MYO3B: variants seen among roughly 807,000 people sequenced by gnomAD.
The protein encoded by MYO3B is myosin-IIIb.
A neutral mutation model predicts 174.6 loss-of-function variants in MYO3B; 156 were observed. That is an observed-to-expected ratio of 0.89 (90% confidence interval 0.78 to 1.02). The LOEUF is 1.02. Ranked by LOEUF, MYO3B falls within the 50% of genes least tolerant of loss-of-function variation. The pLI is 0.00. For synonymous variants in MYO3B, 563 were observed against 569.1 expected, an observed-to-expected ratio of 0.99 and a Z score of 0.15; for missense variants, 1,632 against 1,639.4, an observed-to-expected ratio of 1.00 and a Z score of 0.08.
intron 32 of MYO3B, among the ~76,000 whole-genome samples, chr2:170,634,499 C>T (rs1439635565): frequency 1.3e-5 from 2 of 151,954 alleles, no homozygotes; most frequent in African/African-American, 4.8e-5. Context: ...CATGTTAGAC[C>T]TAAAACCATA....
At chr2:170,230,170 T>TG (rs925690931) in intron 6 of MYO3B, among the ~76,000 whole-genome samples, 8 of 150,816 alleles carry the variant, frequency 5.3e-5, no homozygotes, top group Middle Eastern at 6.9e-3. Context: ...TAGTTTTTTT[T>TG]TTTGTTTTTT....
At chr2:170,373,514 C>T (rs2094263685) in intron 9 of MYO3B, among the ~76,000 whole-genome samples, 1 of 152,136 alleles carries the variant, frequency 6.6e-6, no homozygotes, top group Admixed American at 6.5e-5. Context: ...GTTCAGTCCA[C>T]TTTAGTACTT....
At chr2:170,273,904 G>A (rs192424813) in intron 7 of MYO3B, among the ~76,000 whole-genome samples, 6 of 152,042 alleles carry the variant, frequency 3.9e-5, no homozygotes, top group African/African-American at 7.2e-5. Context: ...AAATGGCAGT[G>A]GGGGGGCACC....
intron 2 of MYO3B, 99 bp downstream of exon 2, chr2:170,199,490 T>G (rs2092638176): frequency 1.0e-6 from 1 of 953,640 alleles, no homozygotes. Context: ...TCATGAAACC[T>G]GGTATGAAAT....
intron 32 of MYO3B, among the ~76,000 whole-genome samples, chr2:170,566,968 A>G (rs1348059924): frequency 1.3e-5 from 2 of 152,166 alleles, no homozygotes; most frequent in African/African-American, 4.8e-5. Context: ...AGACTTTAAC[A>G]TGGCTGTTTT....
chr2:170,311,166 TGTTTTA>T (rs2093736745), intron 7 of MYO3B, among the ~76,000 whole-genome samples: 9 of 152,286 alleles, frequency 5.9e-5, no homozygotes, highest in Admixed American at 5.9e-4. Context: ...GGCGATTCTG[TGTTTTA>T]GCCTTTTGAA....
intron 17 of MYO3B, among the ~76,000 whole-genome samples, chr2:170,401,148 CTGTAGGACATTTTAGGGCCTTTAATA>C (rs1382662147): frequency 2.0e-5 from 3 of 152,200 alleles, no homozygotes; most frequent in Non-Finnish European, 4.4e-5. Flanking sequence ...TGTGTTAAAA[CTGTAGGACATTTTAGGGCCTTTAATA>C]TATGAATGTA....
chr2:170,560,928 T>C (rs934846529), intron 32 of MYO3B, among the ~76,000 whole-genome samples: 1 of 152,150 alleles, frequency 6.6e-6, no homozygotes, highest in African/African-American at 2.4e-5. Flanking sequence ...TCTCCGAGGG[T>C]CAGATTACAA....
chr2:170,321,663 C>G (rs2093827276), intron 7 of MYO3B, among the ~76,000 whole-genome samples: 1 of 152,160 alleles, frequency 6.6e-6, no homozygotes, highest in Admixed American at 6.5e-5. Flanking sequence ...AGTTTCTTCT[C>G]AGGCATGTCT....
chr2:170,257,589 CGT>C (rs2093315358), intron 7 of MYO3B, among the ~76,000 whole-genome samples: 1 of 151,888 alleles, frequency 6.6e-6, no homozygotes, highest in Admixed American at 6.6e-5. Context: ...GCAAAACCAG[CGT>C]TAAGAGGGAA....
chr2:170,308,241 A>G (rs1016865327), intron 7 of MYO3B, among the ~76,000 whole-genome samples: 3 of 152,220 alleles, frequency 2.0e-5, no homozygotes, highest in Non-Finnish European at 2.9e-5. Context: ...TGTTCTAGCA[A>G]CATTGCAAAA....
chr2:170,409,333 G>T (rs533354524), intron 22 of MYO3B, among the ~76,000 whole-genome samples: 74 of 152,288 alleles, frequency 4.9e-4, no homozygotes, highest in Non-Finnish European at 9.0e-4. Flanking sequence ...AACCTCCGCC[G>T]CTGCGTCTTT....
intron 7 of MYO3B, among the ~76,000 whole-genome samples, chr2:170,265,544 C>T (rs2093377039): frequency 1.3e-5 from 2 of 152,200 alleles, no homozygotes; most frequent in Non-Finnish European, 2.9e-5. Flanking sequence ...TAGGTCAGGG[C>T]ATGTGGCAGG....
At chr2:170,553,052 A>G (rs1028152180) in intron 32 of MYO3B, among the ~76,000 whole-genome samples, 3 of 152,206 alleles carry the variant, frequency 2.0e-5, no homozygotes, top group African/African-American at 4.8e-5. Flanking sequence ...CAGAGGATGT[A>G]TGGAAACACC....
intron 30 of MYO3B, among the ~76,000 whole-genome samples, chr2:170,532,461 T>A (rs1689411656): frequency 6.6e-6 from 1 of 152,208 alleles, no homozygotes; most frequent in South Asian, 2.1e-4. Context: ...ATTCTGGTCA[T>A]ATAAGAAAAT....
intron 22 of MYO3B, among the ~76,000 whole-genome samples, chr2:170,420,083 T>C (rs1433657279): frequency 1.3e-5 from 2 of 151,962 alleles, no homozygotes; most frequent in Non-Finnish European, 2.9e-5. Context: ...CTCGCGAGGC[T>C]GAGGTAGGAG....
chr2:170,563,158 A>ACACACC (rs1228624683), intron 32 of MYO3B, among the ~76,000 whole-genome samples: 10 of 151,482 alleles, frequency 6.6e-5, no homozygotes, highest in African/African-American at 2.4e-4. Flanking sequence ...ACACACACAC[A>ACACACC]CCCCAAGAAT....
At chr2:170,193,424 G>A (rs1420422504) in intron 1 of MYO3B, among the ~76,000 whole-genome samples, 1 of 151,740 alleles carries the variant, frequency 6.6e-6, no homozygotes, top group East Asian at 1.9e-4. Flanking sequence ...TAAAGTTTCT[G>A]AGTTATAGAC....
intron 27 of MYO3B, 90 bp from the exon 28 acceptor site, chr2:170,501,695 C>T: frequency 1.2e-6 from 1 of 801,352 alleles, no homozygotes. Context: ...ATGAGACGGG[C>T]AATAGGCTGG....
Sources: gnomAD v4.1 joint callset for allele counts (sites outside exome capture counted in the v4.1 genomes callset) on GRCh38, gnomAD v4.1.1 for gene constraint, MANE v1.5 for transcripts, NCBI Gene and HGNC (gene_info 2026-07-23, HGNC 2026-07-21) for gene names.